Variants in EXOC6 observed in about 807,000 individuals in gnomAD.
EXOC6 encodes the protein SEC15-like 1.
A neutral mutation model predicts 112.5 loss-of-function variants in EXOC6; 60 were observed. That is an observed-to-expected ratio of 0.53 (90% confidence interval 0.43 to 0.66). EXOC6 has a LOEUF of 0.66. Among genes scored for constraint, EXOC6 ranks in the 30% least tolerant of loss-of-function variants. The probability of loss-of-function intolerance (pLI) is 0.00; values close to 1 mark genes in which losing one functional copy is unlikely to be tolerated. For synonymous variants in EXOC6, 295 were observed against 308.0 expected (o/e 0.96, Z 0.44); for missense variants, 855 against 957.1 (o/e 0.89, Z 1.41).
At chr10:92,975,894 C>G in intron 18 of EXOC6, among the ~76,000 whole-genome samples, 1 of 143,096 alleles carries the variant, frequency 7.0e-6, no homozygotes, top group South Asian at 2.2e-4. Context: ...TCTGCCTGGC[C>G]AGCCGCCCCG....
chr10:92,894,190 A>G (rs1471062696), intron 2 of EXOC6, among the ~76,000 whole-genome samples: 3 of 152,202 alleles, frequency 2.0e-5, no homozygotes, highest in Non-Finnish European at 1.5e-5. Flanking sequence ...AGCATCAATG[A>G]GGTCACTGAG....
At chr10:92,926,195 T>C (rs1851708349) in intron 8 of EXOC6, among the ~76,000 whole-genome samples, 1 of 152,058 alleles carries the variant, frequency 6.6e-6, no homozygotes, top group Non-Finnish European at 1.5e-5. Flanking sequence ...GTTTACTCAT[T>C]ATCAAAATGT....
intron 19 of EXOC6, among the ~76,000 whole-genome samples, chr10:92,998,763 A>T (rs1265845836): frequency 6.6e-6 from 1 of 152,160 alleles, no homozygotes; most frequent in Non-Finnish European, 1.5e-5. Context: ...GAAGAGAAAG[A>T]TTAATTTTCT....
At chr10:93,000,928 C>G (rs753212386) in intron 19 of EXOC6, among the ~76,000 whole-genome samples, 62 of 152,234 alleles carry the variant, frequency 4.1e-4, no homozygotes, top group Admixed American at 6.5e-4. Flanking sequence ...TGAAACTTAG[C>G]TTTCTCTAAT....
At chr10:92,922,753 T>C (rs1166419465) in intron 8 of EXOC6, among the ~76,000 whole-genome samples, 2 of 152,232 alleles carry the variant, frequency 1.3e-5, no homozygotes, top group Non-Finnish European at 2.9e-5. Context: ...TAGCTGGCTG[T>C]ATCCTAAACT....
intron 20 of EXOC6, among the ~76,000 whole-genome samples, chr10:93,054,010 C>A (rs563502127): frequency 6.6e-6 from 1 of 152,310 alleles, no homozygotes; most frequent in East Asian, 1.9e-4. Context: ...ATAGACTGAG[C>A]GGAATGAGCA....
chr10:92,892,356 C>T (rs1849548995), intron 1 of EXOC6, among the ~76,000 whole-genome samples: 1 of 152,184 alleles, frequency 6.6e-6, no homozygotes, highest in Non-Finnish European at 1.5e-5. Context: ...CTTACTGCTC[C>T]CAGCAGTGAT....
At chr10:92,944,890 A>T (rs1852889427) in intron 13 of EXOC6, among the ~76,000 whole-genome samples, 1 of 151,570 alleles carries the variant, frequency 6.6e-6, no homozygotes, top group South Asian at 2.1e-4. Flanking sequence ...CTCCTGCCTC[A>T]GCCTTCCGAG....
At chr10:92,897,863 C>G (rs1440280864) in intron 4 of EXOC6, among the ~76,000 whole-genome samples, 4 of 152,166 alleles carry the variant, frequency 2.6e-5, no homozygotes, top group Non-Finnish European at 5.9e-5. Flanking sequence ...ATACATCTTA[C>G]ACGTATTGAT....
intron 1 of EXOC6, among the ~76,000 whole-genome samples, chr10:92,841,808 A>G (rs1457180013): frequency 1.3e-5 from 2 of 152,230 alleles, no homozygotes; most frequent in African/African-American, 4.8e-5. Flanking sequence ...TATAATTACT[A>G]ATAGAGCTGT....
intron 2 of EXOC6, among the ~76,000 whole-genome samples, chr10:92,894,497 A>G (rs923895073): frequency 2.0e-5 from 3 of 152,194 alleles, no homozygotes; most frequent in Non-Finnish European, 2.9e-5. Context: ...CCAGTGGTCA[A>G]TTGGGTCAGT....
chr10:92,834,532 G>T (rs1846598959), upstream of EXOC6, among the ~76,000 whole-genome samples: 1 of 152,188 alleles, frequency 6.6e-6, no homozygotes, highest in African/African-American at 2.4e-5. Context: ...GTGGAAACAG[G>T]ACAGCAACAG....
In EXOC6 at chr10:93,058,951, C is replaced by G. The variant is rs1846664156; in HGVS notation, c.*596C>G. On this transcript the variant is annotated 3_prime_UTR_variant, in exon 22 of 22. Transcript: ENST00000260762. ...ACTTGGGTGGTTTAATTTAATCGTT[C>G]TGAATATGAACAAAAGGTTTTGGAT... The G allele has an allele frequency of 6.6e-6, 1 of 152,198 alleles. No homozygotes were observed. The highest frequency in any genetic ancestry group is 2.1e-4 in the South Asian group (1 of 4,828). The allele number at this position is 152,198 out of a possible 1,614,324, so 9.4% of individuals were successfully genotyped here.
intron 18 of EXOC6, among the ~76,000 whole-genome samples, chr10:92,983,025 A>G (rs1333148114): frequency 6.6e-6 from 1 of 152,244 alleles, no homozygotes; most frequent in African/African-American, 2.4e-5. Flanking sequence ...AACTTTTAAA[A>G]TCATTCTCTC....
At chr10:93,024,334 C>T (rs1370472322) in intron 20 of EXOC6, among the ~76,000 whole-genome samples, 1 of 152,196 alleles carries the variant, frequency 6.6e-6, no homozygotes, top group East Asian at 1.9e-4. Context: ...TCCAGGAACA[C>T]TGATTTCTCA....
intron 20 of EXOC6, among the ~76,000 whole-genome samples, chr10:93,031,536 G>T: frequency 8.2e-6 from 1 of 121,754 alleles, no homozygotes; most frequent in African/African-American, 3.1e-5. Context: ...TTTTTGAGCA[G>T]AGTCTTCGCT....
upstream of EXOC6, among the ~76,000 whole-genome samples, chr10:92,831,510 T>C (rs1032524214): frequency 2.0e-5 from 3 of 152,166 alleles, no homozygotes; most frequent in African/African-American, 7.2e-5. Context: ...CTCGGCTCAC[T>C]GCAACCTCCA....
chr10:93,018,686 A>G (rs1844650581), intron 20 of EXOC6, among the ~76,000 whole-genome samples: 1 of 152,078 alleles, frequency 6.6e-6, no homozygotes, highest in South Asian at 2.1e-4. Context: ...TTTGATCCCA[A>G]TTCAGACAAA....
chr10:92,958,320 G>C (rs1853805102), intron 17 of EXOC6, among the ~76,000 whole-genome samples: 1 of 152,190 alleles, frequency 6.6e-6, no homozygotes. Flanking sequence ...TTGTGTGGTA[G>C]AGAAATAGTC....
Sources: allele counts gnomAD v4.1 joint callset (sites outside exome capture counted in the v4.1 genomes callset), GRCh38; gene constraint gnomAD v4.1.1; transcripts MANE v1.5; gene names NCBI Gene and HGNC (gene_info 2026-07-23, HGNC 2026-07-21).